The following UBE2D3 variants were observed in gnomAD, a reference collection of about 807,000 sequenced individuals.
UBE2D3 encodes the protein ubiquitin-conjugating enzyme E2 D3.
In UBE2D3, 2 loss-of-function variants were observed where a neutral mutation model predicts 22.8. The observed-to-expected ratio is 0.09, with a 90% confidence interval of 0.04 to 0.28. The LOEUF (loss-of-function observed/expected upper bound fraction) is 0.28. UBE2D3 is among the 10% of genes least tolerant of loss of function. The probability of loss-of-function intolerance (pLI) is 1.00; values close to 1 mark genes in which losing one functional copy is unlikely to be tolerated. For missense variants in UBE2D3, 27 were observed against 182.5 expected (o/e 0.15, Z 4.91); for synonymous variants, 56 against 60.4 (o/e 0.93, Z 0.34).
intron 1 of UBE2D3, among the ~76,000 whole-genome samples, chr4:102,863,825 G>T (rs1489106723): frequency 6.6e-6 from 1 of 152,132 alleles, no homozygotes; most frequent in Non-Finnish European, 1.5e-5. Context: ...ACTTGGAGGG[G>T]TCAAACAAAC....
chr4:102,848,074 G>T (rs1203934389), intron 1 of UBE2D3, among the ~76,000 whole-genome samples: 1 of 152,076 alleles, frequency 6.6e-6, no homozygotes, highest in Non-Finnish European at 1.5e-5. Context: ...GCAACCTCTG[G>T]CATAAACGGG....
chr4:102,801,667 G>T (rs1320961786), intron 5 of UBE2D3, 108 bp from the exon 6 acceptor site: 2 of 909,442 alleles, frequency 2.2e-6, no homozygotes, highest in South Asian at 1.9e-5. Flanking sequence ...TATTAGCATA[G>T]AAGTTCTAAA....
At chr4:102,826,720 T>C in intron 1 of UBE2D3, 84 bp from the exon 2 acceptor site, 1 of 1,428,498 alleles carries the variant, frequency 7.0e-7, no homozygotes, top group Admixed American at 2.9e-5. Flanking sequence ...ACAGCCGCGA[T>C]CCGGGGTGGG....
At chr4:102,828,112 G>GC (rs1311672173), upstream of UBE2D3, 5 of 985,458 alleles carry the variant, frequency 5.1e-6, no homozygotes, top group East Asian at 5.7e-4. Context: ...ACTGGGGCGG[G>GC]CCACTGCCAG....
chr4:102,840,763 G>T (rs1234320754), intron 1 of UBE2D3, among the ~76,000 whole-genome samples: 4 of 152,142 alleles, frequency 2.6e-5, no homozygotes, highest in Non-Finnish European at 5.9e-5. Flanking sequence ...AATATTCGAG[G>T]TGATGGATAC....
chr4:102,801,716 CCT>C (rs57915035), intron 5 of UBE2D3, 157 bp from the exon 6 acceptor site: 81,141 of 566,258 alleles, frequency 0.14, 6,437 homozygotes, highest in African/African-American at 0.24. Context: ...ACCACAACCC[CCT>C]GCCTCCTCTT....
At chr4:102,822,000 TAATA>T (rs1389407728) in intron 2 of UBE2D3, among the ~76,000 whole-genome samples, 14 of 152,350 alleles carry the variant, frequency 9.2e-5, no homozygotes, top group African/African-American at 2.9e-4. Flanking sequence ...GTTTCTTTTT[TAATA>T]GATAGATTAT....
At chr4:102,810,032 CATCTT>C (rs1246469993) in intron 2 of UBE2D3, 177 bp from the exon 3 acceptor site, 5 of 602,662 alleles carry the variant, frequency 8.3e-6, no homozygotes, top group African/African-American at 5.6e-5. Flanking sequence ...CTGAGACAAT[CATCTT>C]AGCTAGAGTT....
chr4:102,850,018 T>C (rs1042854964), intron 1 of UBE2D3, among the ~76,000 whole-genome samples: 2 of 152,132 alleles, frequency 1.3e-5, no homozygotes, highest in African/African-American at 2.4e-5. Context: ...GTTAATAGCT[T>C]TAAAGTGGAA....
intron 1 of UBE2D3, among the ~76,000 whole-genome samples, chr4:102,860,815 G>C (rs1403730827): frequency 1.3e-5 from 2 of 151,868 alleles, no homozygotes; most frequent in Non-Finnish European, 2.9e-5. Flanking sequence ...GGGGAGGTTG[G>C]GCTGCTGGCT....
At chr4:102,811,680 A>AC (rs890002938) in intron 2 of UBE2D3, 45 of 379,216 alleles carry the variant, frequency 1.2e-4, no homozygotes, top group African/African-American at 9.2e-4. Context: ...AAAAACAACA[A>AC]AAAAAAAACC....
chr4:102,844,969 C>T lies in UBE2D3; in HGVS notation c.-128-18333G>A, dbSNP rs1460140145. On this transcript the variant is annotated intron_variant, in intron 1 of 7. Transcript: ENST00000338145. ...CCTGGGAGGCGGGGCTTGCAGTGAG[C>T]CGAGATCGCGCCACTGCACTCCAGC... Among the ~76,000 whole-genome samples, 4 of 148,140 alleles carry T rather than the reference C, an allele frequency of 2.7e-5. No individual in the cohort carries two copies. In the East Asian group the frequency reaches 7.9e-4, roughly 29 times the overall value.
chr4:102,862,309 G>A (rs949868855), intron 1 of UBE2D3, among the ~76,000 whole-genome samples: 1 of 151,890 alleles, frequency 6.6e-6, no homozygotes, highest in Admixed American at 6.6e-5. Flanking sequence ...TCTTTAAAAT[G>A]TTGAATAGAC....
In UBE2D3 at chr4:102,827,545, C is replaced by T; in HGVS notation, c.-247G>A. 1.3e-5 allele frequency: 13 copies of T among 986,488 alleles called. No individual in the cohort carries two copies. Among genetic ancestry groups the T allele is most frequent in the Non-Finnish European group, 1.6e-5 (13 of 830,426 alleles). The allele number at this position is 986,488 out of a possible 1,614,324, so 61.1% of individuals were successfully genotyped here. ...CACAGCCACAAGATGTCCGCTCTGA[C>T]GGAACTACTGCCAGCTGCCACGCTC... On this transcript the variant is annotated 5_prime_UTR_variant, in exon 1 of 8. Transcript: ENST00000453744.
Position 102,799,398 on chromosome 4 carries a change from C to A in UBE2D3, c.398+9G>T, listed in dbSNP as rs375012918. The A allele has an allele frequency of 1.2e-6, 2 of 1,607,942 alleles. No individual in the cohort carries two copies. On this transcript the variant is annotated intron_variant, in intron 7 of 7. Coordinates refer to ENST00000453744, the MANE Select transcript of UBE2D3 (RefSeq NM_181891.3). ...AACCACTTTTATAATAACTTTTTAA[C>A]ATACTTACTTATCTCTGTCTGTTTT...
chr4:102,822,543 T>G (rs1457508646), intron 2 of UBE2D3, among the ~76,000 whole-genome samples: 1 of 152,214 alleles, frequency 6.6e-6, no homozygotes, highest in Non-Finnish European at 1.5e-5. Context: ...AGCTATAACC[T>G]AAGAGTAAAG....
rs541944144 is a variant in UBE2D3, at chr4:102,842,568, C to T, written c.-128-15932G>A. Among the ~76,000 whole-genome samples, 5 of 151,686 alleles carry T rather than the reference C, an allele frequency of 3.3e-5. No homozygotes were observed. In the South Asian group the frequency reaches 6.3e-4, roughly 19 times the overall value. On this transcript the variant is annotated intron_variant, in intron 1 of 7. Coordinates refer to the UBE2D3 transcript ENST00000338145. Reference sequence around the variant, plus strand: ...GCCTGTCTTAAAAAAAAAAAAACCTCGAGTTTCACTTCTGATAATTAAGAA... The same window carrying T: ...GCCTGTCTTAAAAAAAAAAAAACCTTGAGTTTCACTTCTGATAATTAAGAA...
At chr4:102,832,853 T>C (rs112275690) in intron 1 of UBE2D3, among the ~76,000 whole-genome samples, 1,803 of 152,008 alleles carry the variant, frequency 0.012, 21 homozygotes, top group African/African-American at 0.036. Flanking sequence ...TACAAAAAAA[T>C]TAGGCATAGT....
intron 1 of UBE2D3, among the ~76,000 whole-genome samples, chr4:102,840,418 AC>A (rs1731685815): frequency 6.6e-6 from 1 of 152,268 alleles, no homozygotes; most frequent in Non-Finnish European, 1.5e-5. Context: ...CTCTGCAGAA[AC>A]ATGGAAGGTA....
Sources: gnomAD v4.1 joint callset for allele counts (sites outside exome capture counted in the v4.1 genomes callset) on GRCh38, gnomAD v4.1.1 for gene constraint, MANE v1.5 for transcripts, NCBI Gene and HGNC (gene_info 2026-07-23, HGNC 2026-07-21) for gene names.